FLT4: variants seen among roughly 807,000 people sequenced by gnomAD.
The protein encoded by FLT4 is fms related receptor tyrosine kinase 4, also known as vascular endothelial growth factor receptor 3.
Under a neutral mutation model 163.2 loss-of-function variants are expected in FLT4, and 30 were observed. The ratio of observed to expected loss-of-function variants is 0.18; its 90% CI spans 0.14 to 0.25. The LOEUF is 0.25. Among genes scored for constraint, FLT4 ranks in the 10% least tolerant of loss-of-function variants. The pLI is 1.00. For synonymous variants in FLT4, 884 were observed against 789.5 expected, an observed-to-expected ratio of 1.12 and a Z score of -2.01; for missense variants, 1,510 against 1,863.8, an observed-to-expected ratio of 0.81 and a Z score of 3.50.
chr5:180,613,479 TCCC>T (rs1295948007), intron 24 of FLT4: 1 of 264,856 alleles, frequency 3.8e-6, no homozygotes, highest in Admixed American at 5.0e-5. Flanking sequence ...CTCCTGCTGC[TCCC>T]CCCAACCCCT....
At chr5:180,610,459 C>G (rs1762089601) in intron 27 of FLT4, among the ~76,000 whole-genome samples, 1 of 152,244 alleles carries the variant, frequency 6.6e-6, no homozygotes, top group Admixed American at 6.5e-5. Flanking sequence ...GTTGTTGTCC[C>G]CCAGGCCTAG....
Position 180,620,082 on chromosome 5 carries a change from A to G in FLT4, c.2542+91T>C, listed in dbSNP as rs1763005624. 2 of 1,490,936 alleles carry G rather than the reference A, an allele frequency of 1.3e-6. No homozygotes were observed. The highest frequency in any genetic ancestry group is 1.2e-5 in the South Asian group (1 of 81,640). 92.4% of individuals were successfully genotyped at this position (1,490,936 alleles called of 1,614,324 possible). A position where few individuals can be genotyped will look rare whatever the true frequency, so the allele number is the denominator to read the frequency against. On this transcript the variant is annotated intron_variant, in intron 17 of 29. Transcript: ENST00000261937. This position sits in a 1 kb window ranked among gnomAD's most constrained non-coding sequence, Gnocchi z 4.4. ...AGGCCAGGCGGAACTTCCTGGTGCA[A>G]GTTTTGAAAATGGAGGGATTCAGGC...
At position 180,623,311 on chromosome 5, in the gene FLT4, G is replaced by C. The variant is rs1052101026; in HGVS notation, c.1549-472C>G. ...CAGAACTGTCCTCAGCAGCAATCCC[G>C]AGGCCCAGGGTTATTGAGAGGGGTG... On this transcript the variant is annotated intron_variant, in intron 11 of 29. Transcript: ENST00000261937. This position sits in a 1 kb window ranked among gnomAD's most constrained non-coding sequence, Gnocchi z 5.8. 3.9e-5 allele frequency among the ~76,000 whole-genome samples: 6 copies of C among 152,096 alleles called. No individual in the cohort carries two copies. The highest frequency in any genetic ancestry group is 1.3e-4 in the Admixed American group (2 of 15,280).
intron 12 of FLT4, 41 bp downstream of exon 12, chr5:180,622,690 A>G (rs756277864): frequency 4.6e-6 from 6 of 1,291,280 alleles, no homozygotes; most frequent in Non-Finnish European, 6.8e-6. Flanking sequence ...CCCCCTCCTG[A>G]CCCTGTACCC....
intron 11 of FLT4, 87 bp from the exon 12 acceptor site, chr5:180,622,926 C>A (rs948022793): frequency 4.9e-5 from 25 of 506,186 alleles, no homozygotes; most frequent in Non-Finnish European, 6.9e-5. Flanking sequence ...TCGCTGTGCA[C>A]CACCCCCCCC....
chr5:180,631,667 A>G lies in FLT4; in HGVS notation c.155+15T>C. The G allele has an allele frequency of 6.3e-7, 1 of 1,594,326 alleles. No individual in the cohort carries two copies. The highest frequency in any genetic ancestry group is 8.6e-7 in the Non-Finnish European group (1 of 1,167,262). On this transcript the variant is annotated intron_variant, in intron 2 of 29. Coordinates refer to ENST00000261937, the MANE Select transcript of FLT4 (RefSeq NM_182925.5). ...GCAGCCTCTCTGGCCTGCCAGTGGG[A>G]GAGGGACCCAGTACCTGCAGGAGAT...
intron 1 of FLT4, among the ~76,000 whole-genome samples, chr5:180,645,714 T>A (rs938109085): frequency 2.4e-4 from 36 of 152,148 alleles, no homozygotes; most frequent in African/African-American, 8.7e-4. Flanking sequence ...GCCCTGCTCC[T>A]CCTCCGGGAA....
chr5:180,620,513 G>T lies in FLT4; in HGVS notation c.2406+96C>A. 8.3e-7 allele frequency: 1 copy of T among 1,200,138 alleles called. No individual in the cohort carries two copies. The highest frequency in any genetic ancestry group is 1.2e-6 in the Non-Finnish European group (1 of 816,826). The allele number at this position is 1,200,138 out of a possible 1,614,324, so 74.3% of individuals were successfully genotyped here. A position where few individuals can be genotyped will look rare whatever the true frequency, so the allele number is the denominator to read the frequency against. On this transcript the variant is annotated intron_variant, in intron 16 of 29. Coordinates refer to ENST00000261937, the MANE Select transcript of FLT4 (RefSeq NM_182925.5). This position sits in a 1 kb window ranked among gnomAD's most constrained non-coding sequence, Gnocchi z 4.4. ...GCTTCCCAGGAAACAAGGCTGCCAGGTGAACTAGGGCGGGCACCTTATTCT... is the reference window on the plus strand; with the variant it reads ...GCTTCCCAGGAAACAAGGCTGCCAGTTGAACTAGGGCGGGCACCTTATTCT...
At chr5:180,649,441 C>G in intron 1 of FLT4, 47 bp downstream of exon 1, 1 of 1,402,640 alleles carries the variant, frequency 7.1e-7, no homozygotes, top group Non-Finnish European at 9.4e-7. Flanking sequence ...GTACCCCCTC[C>G]CCGGCCAGCC....
intron 1 of FLT4, among the ~76,000 whole-genome samples, chr5:180,645,269 G>C (rs1012695614): frequency 2.0e-5 from 3 of 152,260 alleles, no homozygotes; most frequent in African/African-American, 7.2e-5. Flanking sequence ...GGCTGCCTGA[G>C]TGCCCCGTGG....
intron 2 of FLT4, among the ~76,000 whole-genome samples, chr5:180,631,330 G>C (rs868140904): frequency 6.6e-6 from 1 of 152,168 alleles, no homozygotes; most frequent in African/African-American, 2.4e-5. Context: ...AAAATTAGCC[G>C]GGCGTGGTGG....
At position 180,621,668 on chromosome 5, in the gene FLT4, G is replaced by C. The variant is rs1158883745; in HGVS notation, c.1894C>G (p.Arg632Gly). ...ATACTCAGGCTGAGCGTGGCGTGGC[G>C]CGCCCCAGGTGCCACCTCCTCCAGG... is the stretch of plus-strand genomic sequence containing the variant. ...ASLEEVAPGA[R>G]HATLSLSIPR... The change falls in exon 13 of 30, where the codon CGC (arginine) becomes GGC (glycine). Residue 632 changes from arginine (R) to glycine (G), a missense_variant. Arg to Gly is a moderately radical substitution (Grantham distance 125). This residue lies in a region of FLT4 where 878 missense variants were observed against 1,016.7 expected (regional missense o/e 0.86). Coordinates refer to ENST00000261937, the MANE Select transcript of FLT4 (RefSeq NM_182925.5). The C allele has an allele frequency of 6.2e-7, 1 of 1,610,062 alleles. No homozygotes were observed. Among genetic ancestry groups the C allele is most frequent in the African/African-American group, 1.3e-5 (1 of 74,878 alleles).
chr5:180,616,840 C>T, intron 22 of FLT4, 60 bp downstream of exon 22: 1 of 1,323,350 alleles, frequency 7.6e-7, no homozygotes. Flanking sequence ...CCAAGCACTT[C>T]TTGGCGACTG....
At position 180,634,016 on chromosome 5, in the gene FLT4, T is replaced by G. The variant is rs114538664; in HGVS notation, c.59-2238A>C. Among the ~76,000 whole-genome samples the G allele has an allele frequency of 2.5e-3, 383 of 152,222 alleles. 2 individuals are homozygous for G. Among genetic ancestry groups the G allele is most frequent in the African/African-American group, 8.6e-3 (358 of 41,534 alleles). ...CGGCAGCTGTCAGCCCAGCTTCCTC[T>G]GATGGCTCCCCTCTGTTCCCAAGAT... On this transcript the variant is annotated intron_variant, in intron 1 of 29. Coordinates refer to ENST00000261937, the MANE Select transcript of FLT4 (RefSeq NM_182925.5).
At chr5:180,612,019 C>T (rs905883764) in intron 26 of FLT4, among the ~76,000 whole-genome samples, 2 of 152,192 alleles carry the variant, frequency 1.3e-5, no homozygotes, top group South Asian at 2.1e-4. Flanking sequence ...GGCAACAGGC[C>T]ACCCCCTGCT....
Position 180,623,863 on chromosome 5 carries a change from C to A in FLT4, c.1548+72G>T. 6.3e-7 allele frequency: 1 copy of A among 1,592,764 alleles called. No individual in the cohort carries two copies. The highest frequency in any genetic ancestry group is 8.6e-7 in the Non-Finnish European group (1 of 1,162,722). ...CACTCTGGAAGCCAGGTGGAAACCACATGGCAGTAATGGCCTCTCTCTCCT... is the reference window on the plus strand; with the variant it reads ...CACTCTGGAAGCCAGGTGGAAACCAAATGGCAGTAATGGCCTCTCTCTCCT... On this transcript the variant is annotated intron_variant, in intron 11 of 29. Transcript: ENST00000261937. The surrounding 1 kb of genome is among the most constrained non-coding windows in gnomAD (Gnocchi z 5.8).
At chr5:180,611,244 CT>C in intron 27 of FLT4, 86 bp downstream of exon 27, 1 of 1,454,942 alleles carries the variant, frequency 6.9e-7, no homozygotes, top group Non-Finnish European at 9.4e-7. Context: ...GCATGATTTG[CT>C]TTTCCCCGAT....
At chr5:180,634,226 G>C (rs919892031) in intron 1 of FLT4, among the ~76,000 whole-genome samples, 1 of 152,192 alleles carries the variant, frequency 6.6e-6, no homozygotes, top group East Asian at 1.9e-4. Context: ...TCCCTCTTTA[G>C]GGTCTAGTTC....
intron 1 of FLT4, among the ~76,000 whole-genome samples, chr5:180,646,129 T>C (rs1765480225): frequency 6.6e-6 from 1 of 152,024 alleles, no homozygotes; most frequent in Non-Finnish European, 1.5e-5. Context: ...CCTCCCTCCT[T>C]ATCTGGCCGG....
Sources: gnomAD v4.1 joint callset for allele counts (sites outside exome capture counted in the v4.1 genomes callset) on GRCh38, gnomAD v4.1.1 for gene constraint, gnomAD v4.1.1 regional missense constraint, Gnocchi (gnomAD v3.1) non-coding constraint, MANE v1.5 for transcripts, NCBI Gene and HGNC (gene_info 2026-07-23, HGNC 2026-07-21) for gene names.